The following SH3PXD2A variants were observed in gnomAD, a reference collection of about 807,000 sequenced individuals.
SH3PXD2A encodes the protein SH3 and PX domain-containing protein 2A.
In SH3PXD2A, 32 loss-of-function variants were observed where a neutral mutation model predicts 115.2. The ratio of observed to expected loss-of-function variants is 0.28; its 90% confidence interval spans 0.21 to 0.37. SH3PXD2A has a LOEUF of 0.37. SH3PXD2A is among the 10% of genes least tolerant of loss of function. The pLI is 1.00. For missense variants in SH3PXD2A, 1,328 were observed against 1,498.7 expected (o/e 0.89, Z 1.88); for synonymous variants, 610 against 629.1 (o/e 0.97, Z 0.45).
At chr10:103,691,244 T>G (rs754288172) in intron 6 of SH3PXD2A, among the ~76,000 whole-genome samples, 39 of 152,230 alleles carry the variant, frequency 2.6e-4, no homozygotes, top group Non-Finnish European at 5.0e-4. Context: ...TGCTGAGAAC[T>G]GATACTTGTA....
At chr10:103,840,617 G>T (rs565470635) in intron 1 of SH3PXD2A, among the ~76,000 whole-genome samples, 2 of 152,330 alleles carry the variant, frequency 1.3e-5, no homozygotes, top group South Asian at 2.1e-4. Context: ...AAGAGGTTTC[G>T]CGAAGGACTC....
intron 5 of SH3PXD2A, among the ~76,000 whole-genome samples, chr10:103,695,703 G>T (rs2037816845): frequency 6.6e-6 from 1 of 152,164 alleles, no homozygotes; most frequent in Admixed American, 6.5e-5. Context: ...CTCCCCTGGG[G>T]ATTCTGAGGC....
chr10:103,752,469 A>C (rs748182229), intron 3 of SH3PXD2A, among the ~76,000 whole-genome samples: 1 of 152,196 alleles, frequency 6.6e-6, no homozygotes, highest in Non-Finnish European at 1.5e-5. Flanking sequence ...ACTTATCCTT[A>C]TGGGGGATTC....
intron 2 of SH3PXD2A, among the ~76,000 whole-genome samples, chr10:103,796,842 T>C (rs1475142063): frequency 1.3e-5 from 2 of 150,174 alleles, no homozygotes; most frequent in Non-Finnish European, 1.5e-5. Context: ...GTATATGCCA[T>C]GAAATGTTTG....
rs2037169102 is a variant in SH3PXD2A, at chr10:103,653,920, C to A, written c.604+7063G>T. On this transcript the variant is annotated intron_variant, in intron 8 of 14. Transcript: ENST00000369774. Reference sequence around the variant, plus strand: ...GCTTCCCGAGGCCCCACCCTCCCACCTCCTGCTGCCCAGCTCCCGCTTTTC... The same window carrying A: ...GCTTCCCGAGGCCCCACCCTCCCACATCCTGCTGCCCAGCTCCCGCTTTTC... Among the ~76,000 whole-genome samples, 3 of 151,916 alleles carry A rather than the reference C, an allele frequency of 2.0e-5. No individual in the cohort carries two copies. The South Asian group carries it at 6.2e-4, about 32-fold the overall frequency.
intron 3 of SH3PXD2A, among the ~76,000 whole-genome samples, chr10:103,757,758 C>A (rs945820565): frequency 6.6e-6 from 1 of 152,168 alleles, no homozygotes; most frequent in Non-Finnish European, 1.5e-5. Flanking sequence ...GAGGCCGGAT[C>A]CCCACCTTTC....
chr10:103,641,706 G>A (rs2036957980), intron 8 of SH3PXD2A, among the ~76,000 whole-genome samples: 1 of 152,146 alleles, frequency 6.6e-6, no homozygotes, highest in African/African-American at 2.4e-5. Flanking sequence ...CTGAGTCTTG[G>A]AAGAGTCGAG....
At chr10:103,727,945 G>A (rs1303500395) in intron 4 of SH3PXD2A, among the ~76,000 whole-genome samples, 1 of 152,254 alleles carries the variant, frequency 6.6e-6, no homozygotes, top group Non-Finnish European at 1.5e-5. Flanking sequence ...CCGCAGCCTG[G>A]GCTGGTGATG....
intron 5 of SH3PXD2A, among the ~76,000 whole-genome samples, chr10:103,713,126 G>A (rs902636564): frequency 6.6e-5 from 10 of 152,134 alleles, no homozygotes; most frequent in Admixed American, 1.3e-4. Flanking sequence ...CATGAACCGA[G>A]GGCTTCAAAG....
chr10:103,683,334 G>GA (rs1672901394), intron 6 of SH3PXD2A, among the ~76,000 whole-genome samples: 1 of 152,120 alleles, frequency 6.6e-6, no homozygotes, highest in Admixed American at 6.5e-5. Context: ...GCAACACAGA[G>GA]AAACCCCATC....
intron 4 of SH3PXD2A, among the ~76,000 whole-genome samples, chr10:103,728,761 A>G (rs920740850): frequency 1.3e-5 from 2 of 152,244 alleles, no homozygotes; most frequent in African/African-American, 4.8e-5. Flanking sequence ...TAATCAGCAC[A>G]TCAACTCTAA....
In SH3PXD2A at chr10:103,720,551, C is replaced by A. The variant is rs573396025; in HGVS notation, c.398+3719G>T. On this transcript the variant is annotated intron_variant, in intron 5 of 14. Coordinates refer to ENST00000369774, the MANE Select transcript of SH3PXD2A (RefSeq NM_001394015.1). ...CCAGCCCCCATGAATTCTCAATGGA[C>A]CCTGCAGCAGCACACTTGAAAGAAG... Among the ~76,000 whole-genome samples the A allele has an allele frequency of 1.3e-4, 20 of 152,300 alleles. No homozygotes were observed. In the East Asian group the frequency reaches 2.9e-3, roughly 22 times the overall value.
chr10:103,852,885 GA>G (rs5787501), intron 1 of SH3PXD2A, among the ~76,000 whole-genome samples: 32,310 of 152,136 alleles, frequency 0.21, 3,885 homozygotes, highest in Non-Finnish European at 0.26. Flanking sequence ...TACATGCAAT[GA>G]AAAAAACCCA....
intron 1 of SH3PXD2A, among the ~76,000 whole-genome samples, chr10:103,835,847 C>T (rs758018909): frequency 6.6e-6 from 1 of 152,220 alleles, no homozygotes; most frequent in Non-Finnish European, 1.5e-5. Flanking sequence ...TTGGCCTTCA[C>T]TGAAGCCAGA....
At chr10:103,635,782 C>T (rs1761592405) in intron 8 of SH3PXD2A, among the ~76,000 whole-genome samples, 1 of 152,244 alleles carries the variant, frequency 6.6e-6, no homozygotes, top group African/African-American at 2.4e-5. Flanking sequence ...CAGCCCTTTC[C>T]AGATGGCAGA....
At chr10:103,835,234 G>A (rs1046682778) in intron 1 of SH3PXD2A, among the ~76,000 whole-genome samples, 3 of 152,250 alleles carry the variant, frequency 2.0e-5, no homozygotes, top group Non-Finnish European at 2.9e-5. Context: ...AATGCCCCAT[G>A]CAGACTTGCA....
intron 5 of SH3PXD2A, among the ~76,000 whole-genome samples, chr10:103,717,589 A>T (rs1490893600): frequency 6.6e-6 from 1 of 152,306 alleles, no homozygotes; most frequent in East Asian, 1.9e-4. Flanking sequence ...CTGGGGCCCT[A>T]CGGCCAGATC....
In SH3PXD2A at chr10:103,601,969, G is replaced by A. The variant is rs1311360570; in HGVS notation, c.3249C>T (p.Tyr1083=). ...AGCCTGCTGTCTCCTCATCCCCCTC[G>A]TAGTCTGCGATAGAGACGTACACAT... ...LKDVYVSIAD[Y]EGDEETAGFQ... is the part of the protein sequence containing the mutation. The change falls in exon 15 of 15, where the codon TAC becomes TAT. Residue 1083 remains tyrosine (Y), a synonymous_variant. Transcript: ENST00000369774. 9 of 1,613,992 alleles carry A rather than the reference G, an allele frequency of 5.6e-6. No homozygotes were observed. The highest frequency in any genetic ancestry group is 3.3e-5 in the Admixed American group (2 of 60,008).
intron 4 of SH3PXD2A, among the ~76,000 whole-genome samples, chr10:103,729,931 A>G (rs986191597): frequency 2.6e-5 from 4 of 152,178 alleles, no homozygotes; most frequent in African/African-American, 9.7e-5. Flanking sequence ...ATGGCCAATG[A>G]TGCAGGTGTA....
Sources: gnomAD v4.1 joint callset for allele counts (sites outside exome capture counted in the v4.1 genomes callset) on GRCh38, gnomAD v4.1.1 for gene constraint, MANE v1.5 for transcripts, NCBI Gene and HGNC (gene_info 2026-07-23, HGNC 2026-07-21) for gene names.